Variants in CNRIP1 observed in about 807,000 individuals in gnomAD.
CNRIP1 encodes cannabinoid receptor interacting protein 1.
Under a neutral mutation model 15.2 loss-of-function variants are expected in CNRIP1, and 10 were observed. The observed-to-expected ratio is 0.66, with a 90% CI of 0.41 to 1.12. The LOEUF is 1.12. Among genes scored for constraint, CNRIP1 ranks in the 50% most tolerant of loss-of-function variants. CNRIP1 has a pLI of 0.00. For missense variants in CNRIP1, 211 were observed against 214.7 expected (o/e 0.98, Z 0.11); for synonymous variants, 91 against 83.2 (o/e 1.09, Z -0.51).
intron 2 of CNRIP1, among the ~76,000 whole-genome samples, chr2:68,302,542 G>A (rs143897659): frequency 2.0e-5 from 3 of 152,158 alleles, no homozygotes; most frequent in African/African-American, 7.2e-5. Context: ...CCCAGTACCA[G>A]GGCCTCTAGA....
chr2:68,307,809 T>A (rs1671912195), intron 2 of CNRIP1, among the ~76,000 whole-genome samples: 1 of 152,242 alleles, frequency 6.6e-6, no homozygotes, highest in African/African-American at 2.4e-5. Flanking sequence ...TGAATCTCTA[T>A]GGCTGTTCCC....
Position 68,319,426 on chromosome 2 carries a change from G to T in CNRIP1, c.-26C>A, listed in dbSNP as rs1416026034. ...GTCTGGGCGAGGGTCTGGCGCGGCG[G>T]CTCCGGGGGGCGGAGGACAGCGCCG... On this transcript the variant is annotated 5_prime_UTR_variant, in exon 1 of 3. Coordinates refer to ENST00000263655, the MANE Select transcript of CNRIP1 (RefSeq NM_015463.3). 2.7e-6 allele frequency: 4 copies of T among 1,505,740 alleles called. No individual in the cohort carries two copies. The South Asian group carries it at 3.8e-5, about 14-fold the overall frequency. 93.3% of individuals were successfully genotyped at this position (1,505,740 alleles called of 1,614,324 possible). A position where few individuals can be genotyped will look rare whatever the true frequency, so the allele number is the denominator to read the frequency against.
At position 68,293,706 on chromosome 2, in the gene CNRIP1, A is replaced by G; in HGVS notation, c.*156T>C. ...TTGTATGTGAGGGATATTGTGTCAG[A>G]GGGGAATTACACTTTCAAAATAACC... On this transcript the variant is annotated 3_prime_UTR_variant, in exon 3 of 3. Coordinates refer to ENST00000263655, the MANE Select transcript of CNRIP1 (RefSeq NM_015463.3). 1 of 1,408,996 alleles carries G rather than the reference A, an allele frequency of 7.1e-7. No individual in the cohort carries two copies. The allele number at this position is 1,408,996 out of a possible 1,614,324, so 87.3% of individuals were successfully genotyped here. A position where few individuals can be genotyped will look rare whatever the true frequency, so the allele number is the denominator to read the frequency against.
chr2:68,319,499 G>A lies in CNRIP1; in HGVS notation c.-99C>T, dbSNP rs953442585. The A allele has an allele frequency of 1.6e-6, 2 of 1,227,832 alleles. No individual in the cohort carries two copies. The highest frequency in any genetic ancestry group is 2.8e-5 in the East Asian group (1 of 35,916). 76.1% of individuals were successfully genotyped at this position (1,227,832 alleles called of 1,614,324 possible). ...GCGAGGGGCGGAGAGGAAGCGCGGG[G>A]AGGGTGAGGGAGGTGGTGGAGCTGA... is the stretch of plus-strand genomic sequence containing the variant. On this transcript the variant is annotated 5_prime_UTR_variant, in exon 1 of 3. Transcript: ENST00000263655.
chr2:68,318,789 C>CA (rs890374535), intron 1 of CNRIP1, among the ~76,000 whole-genome samples: 1 of 152,220 alleles, frequency 6.6e-6, no homozygotes, highest in African/African-American at 2.4e-5. Context: ...CTCCCTCCTT[C>CA]AGCCTTGCGG....
intron 2 of CNRIP1, among the ~76,000 whole-genome samples, chr2:68,300,928 A>G (rs1243832571): frequency 6.6e-6 from 1 of 152,226 alleles, no homozygotes; most frequent in Non-Finnish European, 1.5e-5. Flanking sequence ...TTGAATTTGT[A>G]GTTAAAAATC....
At chr2:68,302,124 C>T (rs1488274525) in intron 2 of CNRIP1, among the ~76,000 whole-genome samples, 1 of 151,860 alleles carries the variant, frequency 6.6e-6, no homozygotes, top group Non-Finnish European at 1.5e-5. Flanking sequence ...ATTTATTGGC[C>T]ACTTGTATTT....
At chr2:68,298,879 A>AT (rs1489161940) in intron 2 of CNRIP1, among the ~76,000 whole-genome samples, 1 of 152,210 alleles carries the variant, frequency 6.6e-6, no homozygotes, top group Non-Finnish European at 1.5e-5. Context: ...AGGAACAATT[A>AT]TACAGGCTCT....
intron 2 of CNRIP1, among the ~76,000 whole-genome samples, chr2:68,302,795 C>T (rs1671659389): frequency 1.3e-5 from 2 of 151,934 alleles, no homozygotes. Context: ...AGTAACGTTT[C>T]CCCCAAATAG....
Position 68,317,216 on chromosome 2 carries a change from T to C in CNRIP1, c.271A>G (p.Thr91Ala). The change falls in exon 2 of 3, where the codon ACA becomes GCA. Residue 91 changes from threonine (T) to alanine (A), a missense_variant. By Grantham distance (58) the Thr-to-Ala change is moderately conservative (BLOSUM62 0). Transcript: ENST00000263655. ...CTCTTCGTTGGGGTCACACCTTCTG[T>C]GTCATATGTACCCGTATAAACAACT... ...DRVVYTGTYD[T>A]EGVTPTKSGE... The C allele has an allele frequency of 1.2e-6, 2 of 1,614,206 alleles. No homozygotes were observed. Among genetic ancestry groups the C allele is most frequent in the South Asian group, 2.2e-5 (2 of 91,088 alleles).
chr2:68,319,110 G>T (rs879307645), intron 1 of CNRIP1, 112 bp downstream of exon 1: 7 of 1,147,768 alleles, frequency 6.1e-6, no homozygotes, highest in Non-Finnish European at 8.2e-6. Flanking sequence ...CGGGCCCGCT[G>T]GGAGCGGCGC....
At chr2:68,287,616 G>T (rs555392622) in intron 2 of CNRIP1, among the ~76,000 whole-genome samples, 1 of 152,322 alleles carries the variant, frequency 6.6e-6, no homozygotes, top group East Asian at 1.9e-4. Context: ...CTTGAAAGTG[G>T]CTATTTGCCA....
intron 2 of CNRIP1, among the ~76,000 whole-genome samples, chr2:68,304,626 CTTTT>C (rs11292248): frequency 2.9e-5 from 4 of 136,972 alleles, no homozygotes; most frequent in Non-Finnish European, 4.7e-5. Context: ...ATCTGGTTGT[CTTTT>C]TTTTTTTTTT....
intron 2 of CNRIP1, among the ~76,000 whole-genome samples, chr2:68,285,147 C>T (rs2103871255): frequency 6.6e-6 from 1 of 152,258 alleles, no homozygotes; most frequent in East Asian, 1.9e-4. Flanking sequence ...CCTGGGGCAC[C>T]AGATGCAGGC....
At chr2:68,292,606 T>C (rs554833642), downstream of CNRIP1, among the ~76,000 whole-genome samples, 102 of 152,328 alleles carry the variant, frequency 6.7e-4, 1 homozygote, top group African/African-American at 2.3e-3. Flanking sequence ...TTATGGAATT[T>C]ATCCTTAAAC....
At chr2:68,314,905 AAT>A in intron 2 of CNRIP1, among the ~76,000 whole-genome samples, 1 of 152,204 alleles carries the variant, frequency 6.6e-6, no homozygotes, top group East Asian at 1.9e-4. Context: ...AAATTTAACA[AAT>A]GAGACCATAA....
intron 2 of CNRIP1, 196 bp downstream of exon 2, chr2:68,316,961 G>A: frequency 1.4e-6 from 1 of 693,076 alleles, no homozygotes; most frequent in Non-Finnish European, 2.6e-6. Context: ...GCATCTACAG[G>A]GTCAGTCTGT....
chr2:68,297,567 C>CAAAAAAAAAAAAAA (rs112601365), intron 2 of CNRIP1, among the ~76,000 whole-genome samples: 4 of 98,870 alleles, frequency 4.0e-5, no homozygotes, highest in East Asian at 2.3e-4. Context: ...GACACTGTCT[C>CAAAAAAAAAAAAAA]AAAAAAAAAA....
At chr2:68,285,228 C>T (rs1201138937) in intron 2 of CNRIP1, among the ~76,000 whole-genome samples, 2 of 150,574 alleles carry the variant, frequency 1.3e-5, no homozygotes, top group Non-Finnish European at 3.0e-5. Context: ...ACCCACCCTC[C>T]CAAATGCTCA....
Sources: gnomAD v4.1 joint callset for allele counts (sites outside exome capture counted in the v4.1 genomes callset) on GRCh38, gnomAD v4.1.1 for gene constraint, MANE v1.5 for transcripts, NCBI Gene and HGNC (gene_info 2026-07-23, HGNC 2026-07-21) for gene names.